The following FRMD4A variants were observed in gnomAD, a reference collection of about 807,000 sequenced individuals.
The protein encoded by FRMD4A is FERM domain-containing protein 4A.
A neutral mutation model predicts 129.1 loss-of-function variants in FRMD4A; 29 were observed. That is an observed-to-expected ratio of 0.22 (90% CI 0.17 to 0.31). The LOEUF (loss-of-function observed/expected upper bound fraction) is 0.31, where lower values mean the gene tolerates loss of function less well. FRMD4A is among the 10% of genes least tolerant of loss of function. The pLI is 1.00. For missense variants in FRMD4A, 1,272 were observed against 1,375.8 expected (o/e 0.92, Z 1.19); for synonymous variants, 634 against 571.6 (o/e 1.11, Z -1.56).
chr10:14,223,872 C>A (rs887562979), intron 2 of FRMD4A, among the ~76,000 whole-genome samples: 1 of 152,068 alleles, frequency 6.6e-6, no homozygotes, highest in Non-Finnish European at 1.5e-5. Context: ...CCCTCTGCAA[C>A]CCATGGGCAC....
At chr10:14,136,704 T>C (rs1022449353) in intron 2 of FRMD4A, among the ~76,000 whole-genome samples, 3 of 145,482 alleles carry the variant, frequency 2.1e-5, no homozygotes, top group Non-Finnish European at 4.6e-5. Context: ...TCGCCTTTCC[T>C]GGCTGAACCA....
intron 2 of FRMD4A, among the ~76,000 whole-genome samples, chr10:14,168,281 A>G (rs1196456654): frequency 2.0e-5 from 3 of 152,206 alleles, no homozygotes; most frequent in Admixed American, 2.0e-4. Context: ...TAATTACTAT[A>G]AAGATCACAT....
chr10:13,777,481 T>A (rs1287669404), intron 6 of FRMD4A, among the ~76,000 whole-genome samples: 1 of 152,168 alleles, frequency 6.6e-6, no homozygotes, highest in East Asian at 1.9e-4. Context: ...GTCATTTATG[T>A]GCCCAAGCCC....
intron 3 of FRMD4A, among the ~76,000 whole-genome samples, chr10:13,823,772 G>T (rs904773176): frequency 2.6e-5 from 4 of 152,152 alleles, no homozygotes; most frequent in African/African-American, 9.7e-5. Context: ...GGGGCCAAAT[G>T]ACACCAGGAC....
chr10:13,769,791 TTTTC>T (rs932877297), intron 6 of FRMD4A, among the ~76,000 whole-genome samples: 76 of 152,130 alleles, frequency 5.0e-4, no homozygotes, highest in African/African-American at 1.8e-3. Flanking sequence ...CTTTTTTCAT[TTTTC>T]TTTCTTTCTT....
chr10:13,733,226 C>A (rs1000918989), intron 12 of FRMD4A, among the ~76,000 whole-genome samples: 3 of 152,200 alleles, frequency 2.0e-5, no homozygotes, highest in African/African-American at 7.2e-5. Context: ...ACACAGATGG[C>A]CTTTTTATAA....
intron 2 of FRMD4A, among the ~76,000 whole-genome samples, chr10:14,322,074 T>C (rs867783943): frequency 6.6e-6 from 1 of 152,220 alleles, no homozygotes; most frequent in Non-Finnish European, 1.5e-5. Flanking sequence ...TGCGAAACTG[T>C]GAGTCAATTA....
chr10:14,161,207 C>T (rs1449695490), intron 2 of FRMD4A, among the ~76,000 whole-genome samples: 7 of 152,176 alleles, frequency 4.6e-5, no homozygotes, highest in African/African-American at 1.2e-4. Context: ...CCACCCGCCT[C>T]GGCCTCCCAA....
chr10:13,708,730 C>A (rs1264727799), intron 12 of FRMD4A, among the ~76,000 whole-genome samples: 1 of 152,230 alleles, frequency 6.6e-6, no homozygotes, highest in East Asian at 1.9e-4. Flanking sequence ...GTCTCATGGT[C>A]CTGTCTGATG....
chr10:13,739,279 G>C (rs1462115164), intron 11 of FRMD4A, among the ~76,000 whole-genome samples: 3 of 152,152 alleles, frequency 2.0e-5, no homozygotes, highest in African/African-American at 7.2e-5. Flanking sequence ...TTAAACCCCT[G>C]CCTCTGGGAA....
intron 4 of FRMD4A, among the ~76,000 whole-genome samples, chr10:13,806,842 C>T (rs2093364703): frequency 6.6e-6 from 1 of 152,286 alleles, no homozygotes; most frequent in South Asian, 2.1e-4. Flanking sequence ...GAGTCTCGCT[C>T]TGTTGCCCAG....
chr10:13,848,611 T>TAC (rs1423696119), intron 3 of FRMD4A, among the ~76,000 whole-genome samples: 10 of 102,426 alleles, frequency 9.8e-5, no homozygotes, highest in African/African-American at 3.5e-4. Flanking sequence ...TGTGTGTACG[T>TAC]GTGTGTGTGT....
intron 2 of FRMD4A, among the ~76,000 whole-genome samples, chr10:14,198,834 C>A (rs560671674): frequency 6.6e-6 from 1 of 152,116 alleles, no homozygotes; most frequent in Non-Finnish European, 1.5e-5. Context: ...GCTGCGAGAC[C>A]GCTCTAAGTC....
intron 14 of FRMD4A, among the ~76,000 whole-genome samples, chr10:13,696,474 G>C (rs2086234865): frequency 6.6e-6 from 1 of 152,222 alleles, no homozygotes; most frequent in South Asian, 2.1e-4. Context: ...TGGGCATGGT[G>C]GCTCAAGCCT....
intron 3 of FRMD4A, among the ~76,000 whole-genome samples, chr10:13,819,576 C>T (rs962940674): frequency 2.6e-5 from 4 of 152,060 alleles, no homozygotes; most frequent in Admixed American, 1.3e-4. Flanking sequence ...ATGGTGGTCC[C>T]CAAAAACATA....
chr10:14,239,660 A>C (rs375248895), intron 2 of FRMD4A, among the ~76,000 whole-genome samples: 154 of 152,022 alleles, frequency 1.0e-3, no homozygotes, highest in African/African-American at 3.6e-3. Flanking sequence ...AACAAAAAAA[A>C]ACTGGCAAAA....
intron 2 of FRMD4A, among the ~76,000 whole-genome samples, chr10:14,131,593 A>T (rs1448976163): frequency 6.6e-6 from 1 of 152,196 alleles, no homozygotes; most frequent in Non-Finnish European, 1.5e-5. Flanking sequence ...AACTCCCATG[A>T]CAAATGTCAG....
At chr10:13,739,252 G>C (rs1326460336) in intron 11 of FRMD4A, among the ~76,000 whole-genome samples, 1 of 152,192 alleles carries the variant, frequency 6.6e-6, no homozygotes, top group Non-Finnish European at 1.5e-5. Context: ...CTTTAAAGGT[G>C]GGATAAAATC....
chr10:13,966,888 T>C (rs1037640017), intron 2 of FRMD4A, among the ~76,000 whole-genome samples: 2 of 152,262 alleles, frequency 1.3e-5, no homozygotes, highest in African/African-American at 2.4e-5. Flanking sequence ...GGAATATTGC[T>C]TAGCCATAAA....
Sources: gnomAD v4.1 joint callset for allele counts (sites outside exome capture counted in the v4.1 genomes callset) on GRCh38, gnomAD v4.1.1 for gene constraint, MANE v1.5 for transcripts, NCBI Gene and HGNC (gene_info 2026-07-23, HGNC 2026-07-21) for gene names.